Variants in DGKG observed in about 807,000 individuals in gnomAD.
DGKG encodes the protein DAG kinase gamma.
DGKG carries 78 observed loss-of-function variants against 105.3 expected under a neutral mutation model. The ratio of observed to expected loss-of-function variants is 0.74; its 90% CI spans 0.62 to 0.89. DGKG has a LOEUF of 0.89. Among genes scored for constraint, DGKG ranks in the 40% least tolerant of loss-of-function variants. DGKG has a pLI of 0.00. For synonymous variants in DGKG, 346 were observed against 367.1 expected, an observed-to-expected ratio of 0.94 and a Z score of 0.66; for missense variants, 958 against 1,020.1, an observed-to-expected ratio of 0.94 and a Z score of 0.83.
chr3:186,300,400 T>C (rs1223199216), intron 3 of DGKG, among the ~76,000 whole-genome samples: 1 of 152,236 alleles, frequency 6.6e-6, no homozygotes, highest in African/African-American at 2.4e-5. Flanking sequence ...ACTGCTTTGT[T>C]GAAGGTCACA....
chr3:186,357,610 C>T (rs1464862173), intron 1 of DGKG, among the ~76,000 whole-genome samples: 1 of 152,164 alleles, frequency 6.6e-6, no homozygotes, highest in East Asian at 1.9e-4. Context: ...TATGCGTGCA[C>T]AGAACATAGC....
In DGKG at chr3:186,223,035, G is replaced by A. The variant is rs867985651; in HGVS notation, c.1827-11150C>T. Among the ~76,000 whole-genome samples, 176 of 41,758 alleles carry A rather than the reference G, an allele frequency of 4.2e-3. 1 individual carries two copies. Among genetic ancestry groups the A allele is most frequent in the Middle Eastern group, 0.012 (1 of 86 alleles). 27.4% of individuals were successfully genotyped at this position (41,758 alleles called of 152,430 possible). ...ACTATATATATATATATATATATAT[G>A]TCTCATGATATACACTCCAATAAAG... On this transcript the variant is annotated intron_variant, in intron 20 of 24. Transcript: ENST00000265022.
intron 21 of DGKG, among the ~76,000 whole-genome samples, chr3:186,195,673 T>G (rs1718144477): frequency 6.6e-6 from 1 of 152,340 alleles, no homozygotes; most frequent in South Asian, 2.1e-4. Flanking sequence ...GTGATGCTGA[T>G]GTTGCAGGTC....
chr3:186,324,338 T>G (rs978580315), intron 1 of DGKG, among the ~76,000 whole-genome samples: 1 of 152,094 alleles, frequency 6.6e-6, no homozygotes, highest in East Asian at 1.9e-4. Context: ...CATGAAGATA[T>G]TAATGAAAAA....
At chr3:186,215,341 G>T (rs374382682) in intron 20 of DGKG, among the ~76,000 whole-genome samples, 1 of 151,508 alleles carries the variant, frequency 6.6e-6, no homozygotes, top group Admixed American at 6.6e-5. Context: ...AACCCGGGAG[G>T]CGGAGGATGC....
chr3:186,321,618 T>C (rs569721191), intron 1 of DGKG, among the ~76,000 whole-genome samples: 1 of 152,286 alleles, frequency 6.6e-6, no homozygotes, highest in South Asian at 2.1e-4. Flanking sequence ...CAAAACAGGA[T>C]CCATCCTGAG....
chr3:186,359,968 G>T (rs542074957), intron 1 of DGKG, among the ~76,000 whole-genome samples: 3 of 152,094 alleles, frequency 2.0e-5, no homozygotes, highest in Non-Finnish European at 4.4e-5. Context: ...GTACTTCCCC[G>T]CCCTTTTCCC....
chr3:186,279,890 G>T lies in DGKG; in HGVS notation c.753C>A (p.Thr251=), dbSNP rs768647614. 2.5e-6 allele frequency: 4 copies of T among 1,613,880 alleles called. No individual in the cohort carries two copies. Among genetic ancestry groups the T allele is most frequent in the Non-Finnish European group, 3.4e-6 (4 of 1,179,854 alleles). The change falls in exon 9 of 25, where the codon ACC becomes ACA. Residue 251 remains threonine, a synonymous_variant. Coordinates refer to ENST00000265022, the MANE Select transcript of DGKG (RefSeq NM_001346.3). ...SLQEWVHGGM[T]TIPLLVLLGM... is the part of the protein sequence containing the mutation. ...CCAGGAGGACCAGCAATGGGATGGT[G>T]GTCATCCCTCCATGGACCCATTCCT...
In DGKG at chr3:186,271,246, C is replaced by G. The variant is rs896039227; in HGVS notation, c.999+1009G>C. 7.2e-5 allele frequency among the ~76,000 whole-genome samples: 11 copies of G among 152,248 alleles called. No individual in the cohort carries two copies. The East Asian group carries it at 1.9e-3, about 27-fold the overall frequency. ...TTGGAGAATGGCGTCACCCAATGAC[C>G]GAGTTAGAAACCTGGGAGCCATTCC... On this transcript the variant is annotated intron_variant, in intron 11 of 24. Coordinates refer to ENST00000265022, the MANE Select transcript of DGKG (RefSeq NM_001346.3).
At chr3:186,215,370 C>T (rs1313979816) in intron 20 of DGKG, among the ~76,000 whole-genome samples, 1 of 147,436 alleles carries the variant, frequency 6.8e-6, no homozygotes, top group Non-Finnish European at 1.5e-5. Flanking sequence ...GAGAATGCAC[C>T]ACTGCACTCC....
intron 1 of DGKG, among the ~76,000 whole-genome samples, chr3:186,347,555 T>G (rs930995629): frequency 6.6e-6 from 1 of 152,068 alleles, no homozygotes; most frequent in African/African-American, 2.4e-5. Context: ...TATTAATGTT[T>G]CCTTGCTATT....
chr3:186,277,211 G>C (rs1265546341), intron 9 of DGKG, among the ~76,000 whole-genome samples: 1 of 152,224 alleles, frequency 6.6e-6, no homozygotes. Flanking sequence ...ATGACATCAT[G>C]TAAGTAAAGC....
intron 21 of DGKG, among the ~76,000 whole-genome samples, chr3:186,209,285 AGAAACAGTGTTTCACCATGTTGGC>A (rs1718911642): frequency 6.6e-6 from 1 of 151,888 alleles, no homozygotes; most frequent in Non-Finnish European, 1.5e-5. Context: ...TACTTTTAGT[AGAAACAGTGTTTCACCATGTTGGC>A]CAAGCTGGTC....
intron 5 of DGKG, among the ~76,000 whole-genome samples, chr3:186,295,451 G>A (rs1723504109): frequency 6.6e-6 from 1 of 151,630 alleles, no homozygotes; most frequent in Non-Finnish European, 1.5e-5. Flanking sequence ...TCAGGGAGCT[G>A]AGATTGTGCC....
intron 19 of DGKG, among the ~76,000 whole-genome samples, chr3:186,247,252 G>T (rs1221768270): frequency 6.6e-6 from 1 of 152,156 alleles, no homozygotes; most frequent in Non-Finnish European, 1.5e-5. Flanking sequence ...GAGAGGCCAG[G>T]AGACCCTGCC....
At chr3:186,209,637 C>T (rs918938149) in intron 21 of DGKG, among the ~76,000 whole-genome samples, 7 of 152,042 alleles carry the variant, frequency 4.6e-5, no homozygotes, top group African/African-American at 1.5e-4. Flanking sequence ...GCAGCAACCA[C>T]GTTTAGAAGG....
At chr3:186,321,574 C>T (rs1347979326) in intron 1 of DGKG, among the ~76,000 whole-genome samples, 3 of 152,216 alleles carry the variant, frequency 2.0e-5, no homozygotes, top group Admixed American at 6.5e-5. Flanking sequence ...GAAACACAGG[C>T]TCTACTGTTG....
In DGKG at chr3:186,361,346, A is replaced by C. The variant is rs1295937103; in HGVS notation, c.-249+600T>G. On this transcript the variant is annotated intron_variant, in intron 1 of 24. Coordinates refer to ENST00000265022, the MANE Select transcript of DGKG (RefSeq NM_001346.3). The surrounding 1 kb of genome is among the most constrained non-coding windows in gnomAD (Gnocchi z 6.8). ...GGTACGCACTCCTCAGGACACAAGC[A>C]CACACACGGACACATCTTGTGACTC... Among the ~76,000 whole-genome samples, 1 of 152,160 alleles carries C rather than the reference A, an allele frequency of 6.6e-6. No homozygotes were observed. The highest frequency in any genetic ancestry group is 1.5e-5 in the Non-Finnish European group (1 of 68,024).
At chr3:186,334,904 T>C (rs908223896) in intron 1 of DGKG, among the ~76,000 whole-genome samples, 32 of 152,186 alleles carry the variant, frequency 2.1e-4, no homozygotes, top group Non-Finnish European at 1.5e-4. Context: ...AATATATCTG[T>C]AATAATTTTA....
Sources: gnomAD v4.1 joint callset for allele counts (sites outside exome capture counted in the v4.1 genomes callset) on GRCh38, gnomAD v4.1.1 for gene constraint, Gnocchi (gnomAD v3.1) non-coding constraint, MANE v1.5 for transcripts, NCBI Gene and HGNC (gene_info 2026-07-23, HGNC 2026-07-21) for gene names.